NUP210: variants seen among roughly 807,000 people sequenced by gnomAD.
NUP210 encodes the protein nuclear pore membrane glycoprotein 210.
In NUP210, 151 loss-of-function variants were observed where a neutral mutation model predicts 196.0. The observed-to-expected ratio is 0.77, with a 90% confidence interval of 0.67 to 0.88. The LOEUF (loss-of-function observed/expected upper bound fraction) is 0.88, where lower values mean the gene tolerates loss of function less well. NUP210 is among the 40% of genes least tolerant of loss of function. The pLI, the probability that NUP210 is intolerant of heterozygous loss-of-function variation, is 0.00. For missense variants in NUP210, 2,314 were observed against 2,493.7 expected, an observed-to-expected ratio of 0.93 and a Z score of 1.53; for synonymous variants, 1,070 against 1,052.7, an observed-to-expected ratio of 1.02 and a Z score of -0.32.
At chr3:13,402,785 G>A (rs934840526) in intron 1 of NUP210, among the ~76,000 whole-genome samples, 1 of 152,060 alleles carries the variant, frequency 6.6e-6, no homozygotes, top group Non-Finnish European at 1.5e-5. Flanking sequence ...CAGCAAAACT[G>A]AATAGAAAGT....
At position 13,397,375 on chromosome 3, in the gene NUP210, G is replaced by A. The variant is rs140966122; in HGVS notation, c.418C>T (p.Gln140Ter). ...LEDSPLELKI[Q>*]ALDSEGNTFS... ...TTCTCACCTTCGGAGTCCAGGGCCT[G>A]GATCTTCAGCTCCAGGGGGGAGTCC... The change falls in exon 3 of 40, where the codon CAG (glutamine) becomes TAG (stop). Residue 140 changes from glutamine to a stop codon, truncating the protein, a stop_gained. Transcript: ENST00000254508. LOFTEE classifies it high-confidence loss of function. The A allele has an allele frequency of 3.1e-6, 5 of 1,611,284 alleles. No homozygotes were observed. The highest frequency in any genetic ancestry group is 4.2e-6 in the Non-Finnish European group (5 of 1,179,070).
intron 14 of NUP210, among the ~76,000 whole-genome samples, chr3:13,362,855 C>T (rs1037533436): frequency 1.3e-5 from 2 of 152,152 alleles, no homozygotes; most frequent in African/African-American, 4.8e-5. Context: ...AGGCCTCTGC[C>T]TGAGCGTCAC....
rs764504856 is a variant in NUP210, at chr3:13,330,451, C to T, written c.4110+9G>A. On this transcript the variant is annotated intron_variant, in intron 30 of 39. Coordinates refer to ENST00000254508, the MANE Select transcript of NUP210 (RefSeq NM_024923.4). ...CATTACTCCAAAAAGGAGGAGAATGCAACCCTACCTTTACAGCAACAATGA... is the reference window on the plus strand; with the variant it reads ...CATTACTCCAAAAAGGAGGAGAATGTAACCCTACCTTTACAGCAACAATGA... The T allele has an allele frequency of 6.2e-7, 1 of 1,612,486 alleles. No homozygotes were observed. Among genetic ancestry groups the T allele is most frequent in the Admixed American group, 1.7e-5 (1 of 59,842 alleles).
At chr3:13,394,891 C>T (rs1264934919) in intron 3 of NUP210, among the ~76,000 whole-genome samples, 2 of 152,114 alleles carry the variant, frequency 1.3e-5, no homozygotes, top group Admixed American at 1.3e-4. Flanking sequence ...GAAAAAAAGG[C>T]AAAAGAAATG....
chr3:13,368,573 A>G (rs1192082194), intron 13 of NUP210, among the ~76,000 whole-genome samples: 1 of 152,196 alleles, frequency 6.6e-6, no homozygotes, highest in African/African-American at 2.4e-5. Flanking sequence ...CCCAATATAC[A>G]GTAACTTCCC....
intron 10 of NUP210, 95 bp from the exon 11 acceptor site, chr3:13,375,736 G>A: frequency 7.3e-7 from 1 of 1,366,018 alleles, no homozygotes; most frequent in Non-Finnish European, 1.0e-6. Flanking sequence ...TGGGGATCGG[G>A]TCACAAAGGT....
chr3:13,400,803 C>T (rs1440723168), intron 1 of NUP210, among the ~76,000 whole-genome samples: 2 of 152,196 alleles, frequency 1.3e-5, no homozygotes, highest in Non-Finnish European at 2.9e-5. Context: ...CTAAGCCGTG[C>T]CTGGCGCTTG....
intron 1 of NUP210, among the ~76,000 whole-genome samples, chr3:13,409,412 C>T (rs534449740): frequency 6.6e-6 from 1 of 152,290 alleles, no homozygotes; most frequent in African/African-American, 2.4e-5. Flanking sequence ...GAGAGGATGT[C>T]ACAAGGAGTG....
chr3:13,330,415 G>A (rs753082033), intron 30 of NUP210, 45 bp downstream of exon 30: 3 of 1,573,428 alleles, frequency 1.9e-6, no homozygotes, highest in Non-Finnish European at 2.6e-6. Context: ...TTACCTCAGT[G>A]CTATTGCTTT....
Position 13,323,500 on chromosome 3 carries a change from C to A in NUP210, c.4645-68G>T, listed in dbSNP as rs1696623571. On this transcript the variant is annotated intron_variant, in intron 33 of 39. Transcript: ENST00000254508. This position sits in a 1 kb window ranked among gnomAD's most constrained non-coding sequence, Gnocchi z 4.3. ...TCCCGGTCCATGCTGGGCGTTTCCA[C>A]AACCTCACCCTGCAGTCTGTGACAT... is the stretch of plus-strand genomic sequence containing the variant. 5 of 1,563,154 alleles carry A rather than the reference C, an allele frequency of 3.2e-6. No homozygotes were observed. Among genetic ancestry groups the A allele is most frequent in the Non-Finnish European group, 3.5e-6 (4 of 1,141,092 alleles).
intron 1 of NUP210, among the ~76,000 whole-genome samples, chr3:13,407,828 T>C (rs1173199418): frequency 3.3e-5 from 5 of 152,218 alleles, no homozygotes; most frequent in African/African-American, 4.8e-5. Flanking sequence ...CTATTAGTGA[T>C]ATTTAAGGTA....
chr3:13,407,326 CAGG>C, intron 1 of NUP210, among the ~76,000 whole-genome samples: 1 of 152,254 alleles, frequency 6.6e-6, no homozygotes. Context: ...GGCTTGAGCC[CAGG>C]AGTTCAAGGC....
rs1299182381 is a variant in NUP210 at position 13,323,418 on chromosome 3, G to T, written c.4659C>A (p.Val1553=). 1 of 1,614,102 alleles carries T rather than the reference G, an allele frequency of 6.2e-7. No individual in the cohort carries two copies. Among genetic ancestry groups the T allele is most frequent in the Non-Finnish European group, 8.5e-7 (1 of 1,180,014 alleles). ...LRTYKEVVVS[V]PQRIMARHLH... The stretch of plus-strand genomic sequence containing the variant: ...GGTGACGGGCCATGATCCTCTGAGG[G>T]ACGCTGACCACCACCTAGAGAGGGA... The change falls in exon 34 of 40, where the codon GTC becomes GTA. Residue 1553 remains valine (V), a synonymous_variant. Coordinates refer to ENST00000254508, the MANE Select transcript of NUP210 (RefSeq NM_024923.4). The surrounding 1 kb of genome is among the most constrained non-coding windows in gnomAD (Gnocchi z 4.3).
rs755054756 is a variant in NUP210, at chr3:13,351,933, GGT to G, written c.2779_2780del (p.Thr927GlnfsTer33). 9.3e-6 allele frequency: 15 copies of G among 1,613,524 alleles called. No homozygotes were observed. Among genetic ancestry groups the G allele is most frequent in the Non-Finnish European group, 1.3e-5 (15 of 1,179,668 alleles). ...CCACCTTGACAACATCTGCGGTGCT[GGT>G]GTTGAGGAAGAAGTAACCTGAGCCT... The part of the protein sequence containing the change: ...REGSGYFFLN[T>X]STADVVKVAY... On this transcript the variant is annotated frameshift_variant, in exon 20 of 40. Coordinates refer to ENST00000254508, the MANE Select transcript of NUP210 (RefSeq NM_024923.4). LOFTEE classifies it high-confidence loss of function.
At chr3:13,364,837 T>A (rs1382691531) in intron 14 of NUP210, among the ~76,000 whole-genome samples, 1 of 151,460 alleles carries the variant, frequency 6.6e-6, no homozygotes, top group Non-Finnish European at 1.5e-5. Context: ...TCAAAAAAAA[T>A]AAACAAATAA....
In NUP210 at chr3:13,420,014, C is replaced by T; in HGVS notation, c.167+46G>A. 1 of 1,140,684 alleles carries T rather than the reference C, an allele frequency of 8.8e-7. No individual in the cohort carries two copies. The highest frequency in any genetic ancestry group is 3.1e-5 in the South Asian group (1 of 32,608). 70.7% of individuals were successfully genotyped at this position (1,140,684 alleles called of 1,614,324 possible). ...CCCGCCCAGCCTCTCAGCGCGAAGG[C>T]CCAGCCCGGCCCACGGCGCCCGCCC... is the stretch of plus-strand genomic sequence containing the variant. On this transcript the variant is annotated intron_variant, in intron 1 of 39. Transcript: ENST00000254508. This position sits in a 1 kb window ranked among gnomAD's most constrained non-coding sequence, Gnocchi z 4.8.
At chr3:13,363,767 T>C (rs1055751304) in intron 14 of NUP210, among the ~76,000 whole-genome samples, 1 of 152,196 alleles carries the variant, frequency 6.6e-6, no homozygotes, top group Non-Finnish European at 1.5e-5. Context: ...TTCTCTATAA[T>C]CTGTCCAATC....
At chr3:13,352,223 A>G (rs1698003295) in intron 18 of NUP210, 39 bp from the exon 19 acceptor site, 2 of 1,486,326 alleles carry the variant, frequency 1.3e-6, no homozygotes, top group Non-Finnish European at 1.9e-6. Context: ...CCAGGAGGAC[A>G]TGATTAGGCT....
chr3:13,330,792 GT>G (rs1219448835), intron 29 of NUP210, among the ~76,000 whole-genome samples, 158 bp from the exon 30 acceptor site: 1 of 152,166 alleles, frequency 6.6e-6, no homozygotes, highest in Non-Finnish European at 1.5e-5. Context: ...CGTGCCGTCA[GT>G]TGTCTGAGGC....
Sources: gnomAD v4.1 joint callset for allele counts (sites outside exome capture counted in the v4.1 genomes callset) on GRCh38, gnomAD v4.1.1 for gene constraint, Gnocchi (gnomAD v3.1) non-coding constraint, MANE v1.5 for transcripts, NCBI Gene and HGNC (gene_info 2026-07-23, HGNC 2026-07-21) for gene names.